The following SEMA6D variants were observed in gnomAD, a reference collection of about 807,000 sequenced individuals.
SEMA6D encodes semaphorin 6D, also known as semaphorin-6D.
SEMA6D carries 35 observed loss-of-function variants against 106.6 expected under a neutral mutation model. That is an observed-to-expected ratio of 0.33 (90% CI 0.25 to 0.44). The LOEUF is 0.44. Among genes scored for constraint, SEMA6D ranks in the 20% least tolerant of loss-of-function variants. SEMA6D has a pLI of 1.00. For missense variants in SEMA6D, 1,185 were observed against 1,345.9 expected (o/e 0.88, Z 1.87); for synonymous variants, 499 against 487.7 (o/e 1.02, Z -0.31).
chr15:47,345,405 T>C (rs545442070), intron 1 of SEMA6D, among the ~76,000 whole-genome samples: 10 of 152,292 alleles, frequency 6.6e-5, no homozygotes, highest in South Asian at 2.1e-4. Context: ...GATCTGCTCA[T>C]GTATGGACAC....
At chr15:47,271,177 A>T (rs750548829) in intron 1 of SEMA6D, among the ~76,000 whole-genome samples, 4 of 152,218 alleles carry the variant, frequency 2.6e-5, no homozygotes, top group African/African-American at 9.6e-5. Flanking sequence ...ATTGTGAAAG[A>T]CAAAAAATGC....
At chr15:47,750,943 A>G (rs2081396127) in intron 1 of SEMA6D, among the ~76,000 whole-genome samples, 1 of 152,266 alleles carries the variant, frequency 6.6e-6, no homozygotes, top group South Asian at 2.1e-4. Flanking sequence ...AAAACACCAC[A>G]TCAGCCAAGA....
intron 1 of SEMA6D, among the ~76,000 whole-genome samples, chr15:47,207,963 G>A (rs982883064): frequency 1.2e-4 from 18 of 146,134 alleles, no homozygotes; most frequent in African/African-American, 4.3e-4. Context: ...AGTGACTGTG[G>A]AAACAGGTAC....
At chr15:47,271,531 T>G (rs1414044541) in intron 1 of SEMA6D, among the ~76,000 whole-genome samples, 1 of 152,142 alleles carries the variant, frequency 6.6e-6, no homozygotes, top group African/African-American at 2.4e-5. Flanking sequence ...AGAATATTAT[T>G]TGTTGCTGTA....
At chr15:47,555,916 A>G (rs2045902712) in intron 3 of SEMA6D, among the ~76,000 whole-genome samples, 1 of 152,058 alleles carries the variant, frequency 6.6e-6, no homozygotes, top group Non-Finnish European at 1.5e-5. Flanking sequence ...CACGCATAAA[A>G]CAGAAAATCA....
intron 4 of SEMA6D, among the ~76,000 whole-genome samples, chr15:47,668,753 G>A (rs2078079537): frequency 6.6e-6 from 1 of 152,054 alleles, no homozygotes; most frequent in South Asian, 2.1e-4. Context: ...TGTACCTGGG[G>A]TTCTAACCAT....
chr15:47,718,299 G>A (rs1336365314), intron 1 of SEMA6D, among the ~76,000 whole-genome samples: 1 of 152,184 alleles, frequency 6.6e-6, no homozygotes, highest in Non-Finnish European at 1.5e-5. Context: ...GCTAGGAGCG[G>A]GCGGGCGAGC....
At chr15:47,254,494 C>T (rs2033693747) in intron 1 of SEMA6D, among the ~76,000 whole-genome samples, 1 of 151,898 alleles carries the variant, frequency 6.6e-6, no homozygotes, top group South Asian at 2.1e-4. Flanking sequence ...AATGGACATC[C>T]TCATCTTGTT....
intron 1 of SEMA6D, among the ~76,000 whole-genome samples, chr15:47,210,557 G>A (rs1178731175): frequency 1.3e-5 from 2 of 151,724 alleles, no homozygotes; most frequent in Non-Finnish European, 1.5e-5. Flanking sequence ...GGCGGATCAC[G>A]AGATCAAGAC....
intron 1 of SEMA6D, among the ~76,000 whole-genome samples, chr15:47,390,994 CAAG>C (rs2040010780): frequency 1.3e-5 from 2 of 152,144 alleles, no homozygotes; most frequent in Admixed American, 1.3e-4. Context: ...TCATTATTTC[CAAG>C]AAGATTCTTG....
intron 3 of SEMA6D, among the ~76,000 whole-genome samples, chr15:47,529,603 T>TAA (rs67339779): frequency 0.061 from 8,327 of 135,702 alleles, 620 homozygotes; most frequent in African/African-American, 0.17. Flanking sequence ...TCTGTAGCAC[T>TAA]AAAAAAAAAA....
chr15:47,310,222 C>T (rs749822238), intron 1 of SEMA6D, among the ~76,000 whole-genome samples: 67 of 152,074 alleles, frequency 4.4e-4, no homozygotes, highest in Non-Finnish European at 5.9e-4. Flanking sequence ...CAACACTTAG[C>T]GATGAAAGGG....
chr15:47,325,346 T>C (rs564838642), intron 1 of SEMA6D, among the ~76,000 whole-genome samples: 126 of 152,172 alleles, frequency 8.3e-4, no homozygotes, highest in African/African-American at 3.0e-3. Context: ...GCTAATTTTG[T>C]ATTTTTAGTA....
intron 3 of SEMA6D, among the ~76,000 whole-genome samples, chr15:47,489,732 A>C (rs1596134675): frequency 6.6e-6 from 1 of 151,724 alleles, no homozygotes; most frequent in South Asian, 2.1e-4. Context: ...GCTCGCTGCA[A>C]CCTCCGCCTC....
chr15:47,574,311 G>C (rs943522348), intron 3 of SEMA6D, among the ~76,000 whole-genome samples: 12 of 152,206 alleles, frequency 7.9e-5, no homozygotes, highest in Non-Finnish European at 1.5e-4. Flanking sequence ...TCCTCATCCA[G>C]TTATGACTTG....
rs2080451999 is a variant in SEMA6D at position 47,736,452 on chromosome 15, A to G, written c.-55+18760A>G. Among the ~76,000 whole-genome samples the G allele has an allele frequency of 3.3e-5, 5 of 152,354 alleles. 1 individual carries two copies. In the Middle Eastern group the frequency reaches 0.01, roughly 311 times the overall value. On this transcript the variant is annotated intron_variant, in intron 1 of 18. Coordinates refer to ENST00000536845, the MANE Select transcript of SEMA6D (RefSeq NM_001358351.3). Reference sequence around the variant, plus strand: ...TGTTCCAAGCAGCTATGTATCTTCAAAGTAAAATATAAACAAGTCATCTGT... The same window carrying G: ...TGTTCCAAGCAGCTATGTATCTTCAGAGTAAAATATAAACAAGTCATCTGT...
chr15:47,608,661 T>C (rs74014027), intron 4 of SEMA6D, among the ~76,000 whole-genome samples: 9,490 of 152,262 alleles, frequency 0.062, 350 homozygotes, highest in African/African-American at 0.096. Flanking sequence ...ATGTATATTA[T>C]GTGTAAATCA....
At chr15:47,671,694 A>G (rs1237395716) in intron 4 of SEMA6D, among the ~76,000 whole-genome samples, 1 of 152,214 alleles carries the variant, frequency 6.6e-6, no homozygotes, top group African/African-American at 2.4e-5. Flanking sequence ...GAAGGCAGGA[A>G]TAGCAGTTTG....
intron 4 of SEMA6D, among the ~76,000 whole-genome samples, chr15:47,668,691 G>A (rs920589927): frequency 1.3e-5 from 2 of 152,084 alleles, no homozygotes; most frequent in Admixed American, 1.3e-4. Context: ...CTTCCTACCC[G>A]TGTCTGGACC....
Sources: allele counts gnomAD v4.1 joint callset (sites outside exome capture counted in the v4.1 genomes callset), GRCh38; gene constraint gnomAD v4.1.1; transcripts MANE v1.5; gene names NCBI Gene and HGNC (gene_info 2026-07-23, HGNC 2026-07-21).